The following CEPT1 variants were observed in gnomAD, a reference collection of about 807,000 sequenced individuals.
CEPT1 encodes choline/ethanolaminephosphotransferase 1.
Under a neutral mutation model 42.6 loss-of-function variants are expected in CEPT1, and 7 were observed. That is an observed-to-expected ratio of 0.16 (90% CI 0.09 to 0.31). The LOEUF is 0.31. Among genes scored for constraint, CEPT1 ranks in the 10% least tolerant of loss-of-function variants. CEPT1 has a pLI of 1.00. For synonymous variants in CEPT1, 171 were observed against 171.9 expected (o/e 0.99, Z 0.04); for missense variants, 306 against 502.1 (o/e 0.61, Z 3.73).
upstream of CEPT1, chr1:111,139,695 G>A (rs981902123): frequency 2.0e-5 from 3 of 152,410 alleles, no homozygotes; most frequent in African/African-American, 7.2e-5. Context: ...GCGAGAGACG[G>A]AACTCGGCAT....
chr1:111,178,132 T>C (rs1391875908), intron 5 of CEPT1: 1 of 152,208 alleles, frequency 6.6e-6, no homozygotes, highest in Non-Finnish European at 1.5e-5. Context: ...TCTCACATTT[T>C]TGTGTGCCAA....
intron 4 of CEPT1, chr1:111,167,898 T>G: frequency 1.6e-6 from 1 of 629,902 alleles, no homozygotes; most frequent in African/African-American, 2.0e-5. Flanking sequence ...TTTCCTTTTT[T>G]TTTTTTTTAA....
intron 4 of CEPT1, among the ~76,000 whole-genome samples, 153 bp downstream of exon 4, chr1:111,161,449 GTC>G (rs779927872): frequency 6.6e-6 from 1 of 151,888 alleles, no homozygotes; most frequent in Non-Finnish European, 1.5e-5. Flanking sequence ...TTTCCTAATA[GTC>G]TCTGCATATG....
At chr1:111,139,500 CAACAGG>C (rs1442251825), upstream of CEPT1, 9 of 152,374 alleles carry the variant, frequency 5.9e-5, no homozygotes, top group East Asian at 1.7e-3. Flanking sequence ...CCAGAACTCA[CAACAGG>C]AACGTGTACT....
intron 4 of CEPT1, 131 bp from the exon 5 acceptor site, chr1:111,174,748 T>TC: frequency 1.9e-6 from 1 of 534,104 alleles, no homozygotes; most frequent in Non-Finnish European, 3.4e-6. Flanking sequence ...TGCCTCCTTT[T>TC]CCCCTTTCCT....
intron 4 of CEPT1, among the ~76,000 whole-genome samples, 193 bp downstream of exon 4, chr1:111,161,489 G>A (rs1358137942): frequency 1.3e-5 from 2 of 151,972 alleles, no homozygotes; most frequent in African/African-American, 4.8e-5. Flanking sequence ...TTTAAAAGGA[G>A]ATATCAGAAC....
chr1:111,183,025 T>C, intron 7 of CEPT1, 68 bp downstream of exon 7: 1 of 1,460,166 alleles, frequency 6.8e-7, no homozygotes, highest in South Asian at 1.3e-5. Context: ...TGGCTATAGT[T>C]CTCATTCTGT....
intron 4 of CEPT1, among the ~76,000 whole-genome samples, chr1:111,169,778 T>C (rs150422325): frequency 7.0e-4 from 106 of 152,334 alleles, no homozygotes; most frequent in African/African-American, 2.2e-3. Context: ...TATTAGCATG[T>C]AAACTATCTA....
intron 4 of CEPT1, among the ~76,000 whole-genome samples, chr1:111,174,668 CT>C (rs1392109995): frequency 1.3e-5 from 2 of 151,154 alleles, no homozygotes; most frequent in African/African-American, 2.4e-5. Context: ...TTTTATTGCT[CT>C]TTGAAATTCA....
At chr1:111,178,669 T>A (rs1007889709) in intron 5 of CEPT1, 3 of 152,134 alleles carry the variant, frequency 2.0e-5, no homozygotes, top group Non-Finnish European at 4.4e-5. Context: ...AGACTTAATA[T>A]AATCAACTCA....
chr1:111,174,590 G>T (rs562034988), intron 4 of CEPT1, among the ~76,000 whole-genome samples: 122 of 148,076 alleles, frequency 8.2e-4, no homozygotes, highest in African/African-American at 2.7e-3. Context: ...TTTTTTTGGT[G>T]GGAAAGGTTA....
chr1:111,163,734 A>T (rs1655990661), intron 4 of CEPT1, among the ~76,000 whole-genome samples: 2 of 152,250 alleles, frequency 1.3e-5, no homozygotes, highest in Admixed American at 1.3e-4. Flanking sequence ...TAGAATACAT[A>T]TAGATATCCC....
chr1:111,143,290 C>T (rs941527303), intron 1 of CEPT1, among the ~76,000 whole-genome samples: 6 of 152,200 alleles, frequency 3.9e-5, no homozygotes, highest in African/African-American at 1.4e-4. Context: ...TTCCTCCTCC[C>T]CTAAAACGTC....
chr1:111,178,547 A>AT (rs1228896118), intron 5 of CEPT1: 1 of 151,722 alleles, frequency 6.6e-6, no homozygotes, highest in Non-Finnish European at 1.5e-5. Flanking sequence ...CAAAAAGCAT[A>AT]TTTTTTGTTT....
intron 2 of CEPT1, among the ~76,000 whole-genome samples, chr1:111,154,630 T>G (rs1189903543): frequency 2.6e-5 from 4 of 152,212 alleles, no homozygotes; most frequent in African/African-American, 9.6e-5. Context: ...GTATGTCATA[T>G]ATGGTCCTTG....
Position 111,184,517 on chromosome 1 carries a change from G to A in CEPT1, c.*207G>A. On this transcript the variant is annotated 3_prime_UTR_variant, in exon 9 of 9. Transcript: ENST00000357172. The stretch of plus-strand genomic sequence containing the variant: ...TCTTGTAAATTGTATATGTTGTCAT[G>A]CAGGGTTTGGGCCAAGAAAGCATGC... 2.4e-6 allele frequency: 1 copy of A among 411,268 alleles called. No homozygotes were observed. Among genetic ancestry groups the A allele is most frequent in the Non-Finnish European group, 4.3e-6 (1 of 231,180 alleles). 25.5% of individuals were successfully genotyped at this position (411,268 alleles called of 1,614,324 possible).
Position 111,185,066 on chromosome 1 carries a change from TTC to T in CEPT1, c.*758_*759del, listed in dbSNP as rs1657199020. 1 of 152,588 alleles carries T rather than the reference TTC, an allele frequency of 6.6e-6. No individual in the cohort carries two copies. Among genetic ancestry groups the T allele is most frequent in the African/African-American group, 2.4e-5 (1 of 41,436 alleles). 9.5% of individuals were successfully genotyped at this position (152,588 alleles called of 1,614,324 possible). ...TTTTTTAAATTTAAGCAAAATTTAT[TTC>T]TGTTCTTTAATAAATAAGAAAATGT... On this transcript the variant is annotated 3_prime_UTR_variant, in exon 9 of 9. Transcript: ENST00000357172.
chr1:111,171,795 A>G (rs1273789835), intron 4 of CEPT1, among the ~76,000 whole-genome samples: 1 of 152,172 alleles, frequency 6.6e-6, no homozygotes, highest in Non-Finnish European at 1.5e-5. Context: ...CTGGAGTGCA[A>G]TGGCACAGTC....
intron 4 of CEPT1, chr1:111,167,364 C>T: frequency 2.1e-6 from 2 of 947,472 alleles, no homozygotes; most frequent in Non-Finnish European, 2.5e-6. Flanking sequence ...CAATAAAAAT[C>T]CACCCTATTA....
Sources: gnomAD v4.1 joint callset for allele counts (sites outside exome capture counted in the v4.1 genomes callset) on GRCh38, gnomAD v4.1.1 for gene constraint, MANE v1.5 for transcripts, NCBI Gene and HGNC (gene_info 2026-07-23, HGNC 2026-07-21) for gene names.